FARP1: variants seen among roughly 807,000 people sequenced by gnomAD.
FARP1 encodes FERM, ARHGEF and pleckstrin domain-containing protein 1.
Under a neutral mutation model 128.8 loss-of-function variants are expected in FARP1, and 52 were observed. The ratio of observed to expected loss-of-function variants is 0.40; its 90% CI spans 0.32 to 0.51. The LOEUF is 0.51. Among genes scored for constraint, FARP1 ranks in the 20% least tolerant of loss-of-function variants. The pLI is 0.45. For synonymous variants in FARP1, 580 were observed against 551.8 expected, an observed-to-expected ratio of 1.05 and a Z score of -0.72; for missense variants, 1,333 against 1,367.9, an observed-to-expected ratio of 0.97 and a Z score of 0.40.
chr13:98,411,200 A>G (rs1428764502), intron 15 of FARP1, among the ~76,000 whole-genome samples: 1 of 152,354 alleles, frequency 6.6e-6, no homozygotes, highest in Admixed American at 6.5e-5. Flanking sequence ...ATCTTTGATA[A>G]TAAATTGAGC....
At chr13:98,432,143 T>C (rs1052417832) in intron 18 of FARP1, 6 of 152,212 alleles carry the variant, frequency 3.9e-5, no homozygotes, top group Admixed American at 3.3e-4. Context: ...GTCACACAGC[T>C]TGGAGGGAAA....
intron 2 of FARP1, among the ~76,000 whole-genome samples, chr13:98,235,756 A>T (rs10162238): frequency 0.013 from 1,940 of 151,258 alleles, 35 homozygotes; most frequent in African/African-American, 0.045. Flanking sequence ...CCTGCCAACC[A>T]TCTAGGCTCA....
At position 98,343,853 on chromosome 13, in the gene FARP1, A is replaced by G; in HGVS notation, c.263A>G (p.His88Arg). The stretch of plus-strand genomic sequence containing the variant: ...TATTTTGGCCTCGAGTTTCCTGATC[A>G]CAAAAAGATCACGGTAGGTGATGTC... ...GDYFGLEFPD[H>R]KKITVWLDLL... Residue 88 changes from histidine to arginine, a missense_variant, in exon 3 of 27, where the codon CAC becomes CGC. Physicochemically the swap from His to Arg is conservative, Grantham distance 29. Coordinates refer to ENST00000319562, the MANE Select transcript of FARP1 (RefSeq NM_005766.4). The G allele has an allele frequency of 6.2e-7, 1 of 1,609,772 alleles. No individual in the cohort carries two copies. Among genetic ancestry groups the G allele is most frequent in the Non-Finnish European group, 8.5e-7 (1 of 1,177,114 alleles).
At position 98,438,293 on chromosome 13, in the gene FARP1, A is replaced by G. The variant is rs1406783048; in HGVS notation, c.2275-511A>G. ...AATCATGGAGAAGCTTCCTCCAGCC[A>G]CAGTGCTCCCATGTGGCCTCTCGGT... is the stretch of plus-strand genomic sequence containing the variant. On this transcript the variant is annotated intron_variant, in intron 19 of 26. Coordinates refer to ENST00000319562, the MANE Select transcript of FARP1 (RefSeq NM_005766.4). Among the ~76,000 whole-genome samples the G allele has an allele frequency of 4.6e-5, 7 of 151,960 alleles. No individual in the cohort carries two copies. The South Asian group carries it at 8.3e-4, about 18-fold the overall frequency.
At chr13:98,378,821 T>G (rs1413338078) in intron 6 of FARP1, among the ~76,000 whole-genome samples, 1 of 146,158 alleles carries the variant, frequency 6.8e-6, no homozygotes, top group South Asian at 2.1e-4. Flanking sequence ...CTTACCAATT[T>G]GAAAAAAATG....
chr13:98,377,845 G>A lies in FARP1; in HGVS notation c.423G>A (p.Lys141=), dbSNP rs779382320. The change falls in exon 6 of 27, where the codon AAG becomes AAA. Residue 141 remains lysine, a synonymous_variant. Coordinates refer to ENST00000319562, the MANE Select transcript of FARP1 (RefSeq NM_005766.4). ...LTRYLFALQV[K]QDLAQGRLTC... is the part of the protein sequence containing the mutation. ...GGTACCTGTTCGCGCTGCAGGTGAA[G>A]CAGGACTTGGCTCAAGGCAGGTTGA... 1 of 1,614,058 alleles carries A rather than the reference G, an allele frequency of 6.2e-7. No homozygotes were observed. The highest frequency in any genetic ancestry group is 8.5e-7 in the Non-Finnish European group (1 of 1,179,910).
intron 11 of FARP1, 80 bp downstream of exon 11, chr13:98,390,960 C>A: frequency 1.0e-6 from 1 of 961,998 alleles, no homozygotes; most frequent in South Asian, 1.4e-5. Context: ...CTAAATATTT[C>A]TTTACCCAGA....
At chr13:98,386,639 C>A (rs1271766338) in intron 8 of FARP1, among the ~76,000 whole-genome samples, 1 of 152,168 alleles carries the variant, frequency 6.6e-6, no homozygotes, top group East Asian at 1.9e-4. Flanking sequence ...CTTTTCAACA[C>A]AAGTGGGTAA....
rs570754261 is a variant in FARP1, at chr13:98,176,169, C to T, written c.-24+32677C>T. ...ATACAGACTTGAGTCTTTCTTATCT[C>T]TTTTTTCCTAAAAGAACAAAAAAAT... On this transcript the variant is annotated intron_variant, in intron 1 of 26. Transcript: ENST00000319562. This position sits in a 1 kb window ranked among gnomAD's most constrained non-coding sequence, Gnocchi z 6.2. 261 of 1,610,404 alleles carry T rather than the reference C, an allele frequency of 1.6e-4. 5 individuals carry two copies. In the South Asian group the frequency reaches 2.7e-3, roughly 17 times the overall value.
chr13:98,181,090 T>C (rs910661518), intron 1 of FARP1, among the ~76,000 whole-genome samples: 3 of 152,190 alleles, frequency 2.0e-5, no homozygotes, highest in African/African-American at 7.2e-5. Context: ...TCTTGTTGCT[T>C]TCTGAAAGAG....
chr13:98,346,503 G>T (rs1888185728), intron 3 of FARP1, among the ~76,000 whole-genome samples: 1 of 151,616 alleles, frequency 6.6e-6, no homozygotes, highest in African/African-American at 2.4e-5. Context: ...CCAGCACTTT[G>T]GGAGGCTCAG....
Position 98,453,223 on chromosome 13 carries a change from G to A in FARP1, c.*4906G>A. The A allele has an allele frequency of 6.2e-7, 1 of 1,611,432 alleles. No individual in the cohort carries two copies. ...CTTAGAGAGTATCTAGGGAAAAAGA[G>A]AGAGAGAGAAGTCAACACATGTCAT... On this transcript the variant is annotated 3_prime_UTR_variant, in exon 27 of 27. Transcript: ENST00000319562.
Position 98,388,457 on chromosome 13 carries a change from C to T in FARP1, c.834C>T (p.Ile278=), listed in dbSNP as rs1465175958. Reference sequence around the variant, plus strand: ...GCTTCAAGAGGAAGCGCTTTCTCATCAAGCTCCGGCCAGATGCCAATGTAA... The same window carrying T: ...GCTTCAAGAGGAAGCGCTTTCTCATTAAGCTCCGGCCAGATGCCAATGTAA... ...KLSFKRKRFL[I]KLRPDANSAY... is the part of the protein sequence containing the mutation. Residue 278 remains isoleucine (I), a synonymous_variant, in exon 9 of 27, where the codon ATC becomes ATT. Coordinates refer to ENST00000319562, the MANE Select transcript of FARP1 (RefSeq NM_005766.4). 9 of 1,613,714 alleles carry T rather than the reference C, an allele frequency of 5.6e-6. No homozygotes were observed. Among genetic ancestry groups the T allele is most frequent in the Non-Finnish European group, 6.8e-6 (8 of 1,179,734 alleles).
intron 2 of FARP1, among the ~76,000 whole-genome samples, chr13:98,306,416 C>T (rs1311831641): frequency 2.0e-5 from 3 of 152,176 alleles, no homozygotes; most frequent in East Asian, 1.9e-4. Flanking sequence ...AGAAAACAGT[C>T]GAAGAGTTTT....
At chr13:98,263,052 A>G (rs559134551) in intron 2 of FARP1, among the ~76,000 whole-genome samples, 55 of 152,246 alleles carry the variant, frequency 3.6e-4, no homozygotes, top group Admixed American at 1.8e-3. Flanking sequence ...CTTGTTGCCC[A>G]GGCTGGAGTG....
intron 2 of FARP1, among the ~76,000 whole-genome samples, chr13:98,272,273 G>T (rs369603383): frequency 5.3e-5 from 8 of 152,078 alleles, no homozygotes; most frequent in African/African-American, 1.7e-4. Context: ...CAGGTGATCC[G>T]CCCACCTCAC....
intron 13 of FARP1, chr13:98,402,490 C>G (rs1236079277): frequency 6.6e-6 from 1 of 152,154 alleles, no homozygotes; most frequent in Non-Finnish European, 1.5e-5. Flanking sequence ...GGCATGGTGA[C>G]CAGTCTGTTA....
At chr13:98,284,796 T>G (rs1451667258) in intron 2 of FARP1, among the ~76,000 whole-genome samples, 1 of 152,182 alleles carries the variant, frequency 6.6e-6, no homozygotes, top group Non-Finnish European at 1.5e-5. Context: ...TTGAGTGAAG[T>G]GTTGGATTAA....
intron 21 of FARP1, 124 bp from the exon 22 acceptor site, chr13:98,439,837 C>A: frequency 1.5e-6 from 1 of 683,316 alleles, no homozygotes; most frequent in Non-Finnish European, 2.5e-6. Context: ...CTCTGTGGGG[C>A]TCTGGGTCTC....
Sources: gnomAD v4.1 joint callset for allele counts (sites outside exome capture counted in the v4.1 genomes callset) on GRCh38, gnomAD v4.1.1 for gene constraint, Gnocchi (gnomAD v3.1) non-coding constraint, MANE v1.5 for transcripts, NCBI Gene and HGNC (gene_info 2026-07-23, HGNC 2026-07-21) for gene names.